PTGFRN: variants seen among roughly 807,000 people sequenced by gnomAD.
PTGFRN encodes prostaglandin F2 receptor negative regulator.
A neutral mutation model predicts 83.2 loss-of-function variants in PTGFRN; 35 were observed. The observed-to-expected ratio is 0.42, with a 90% CI of 0.32 to 0.56. PTGFRN has a LOEUF of 0.56. PTGFRN is among the 20% of genes least tolerant of loss of function. PTGFRN has a pLI of 0.11. For synonymous variants in PTGFRN, 519 were observed against 498.6 expected (o/e 1.04, Z -0.55); for missense variants, 1,051 against 1,179.5 (o/e 0.89, Z 1.60).
In PTGFRN at chr1:116,967,345, C is replaced by G. The variant is rs774375727; in HGVS notation, c.2059+15C>G. ...CCAAACCTCAGGTGAGCAGTGAGCC[C>G]TGTTGAATCATAGGTGGAGCTAGAA... On this transcript the variant is annotated intron_variant, in intron 6 of 8. Transcript: ENST00000393203. 1.3e-6 allele frequency: 2 copies of G among 1,599,026 alleles called. No homozygotes were observed. Among genetic ancestry groups the G allele is most frequent in the Non-Finnish European group, 8.5e-7 (1 of 1,169,762 alleles).
At chr1:116,960,620 G>C (rs1650623617) in intron 4 of PTGFRN, among the ~76,000 whole-genome samples, 1 of 152,146 alleles carries the variant, frequency 6.6e-6, no homozygotes, top group African/African-American at 2.4e-5. Context: ...GAGAGTTTGA[G>C]GATGGGAGTG....
At chr1:116,913,268 G>A (rs539428457) in intron 1 of PTGFRN, among the ~76,000 whole-genome samples, 1 of 152,334 alleles carries the variant, frequency 6.6e-6, no homozygotes, top group Admixed American at 6.5e-5. Context: ...TTTGAGTTGA[G>A]CCTTGAGGAT....
chr1:116,951,512 A>G (rs1650345766), intron 4 of PTGFRN, among the ~76,000 whole-genome samples: 1 of 152,264 alleles, frequency 6.6e-6, no homozygotes. Flanking sequence ...TAAATAAACC[A>G]GTACCCACAC....
intron 7 of PTGFRN, among the ~76,000 whole-genome samples, chr1:116,982,770 A>C (rs1157418409): frequency 2.0e-5 from 3 of 152,176 alleles, no homozygotes; most frequent in Non-Finnish European, 4.4e-5. Context: ...CTGTCCCTTC[A>C]CTAGTCAGTC....
In PTGFRN at chr1:116,982,703, C is replaced by G. The variant is rs116854098; in HGVS notation, c.2168-1977C>G. Reference sequence around the variant, plus strand: ...CAAGTCCACCTCCCCACGGGGAGTTCTGGAGCATGAGTGTACTGCAGAGTA... The same window carrying G: ...CAAGTCCACCTCCCCACGGGGAGTTGTGGAGCATGAGTGTACTGCAGAGTA... On this transcript the variant is annotated intron_variant, in intron 7 of 8. Coordinates refer to ENST00000393203, the MANE Select transcript of PTGFRN (RefSeq NM_020440.4). Among the ~76,000 whole-genome samples, 83 of 152,300 alleles carry G rather than the reference C, an allele frequency of 5.4e-4. 2 individuals carry two copies. The East Asian group carries it at 0.015, about 28-fold the overall frequency.
chr1:116,949,677 A>C, intron 4 of PTGFRN, 105 bp downstream of exon 4: 1 of 1,432,500 alleles, frequency 7.0e-7, no homozygotes, highest in African/African-American at 1.4e-5. Flanking sequence ...TGACTTCGAC[A>C]TTATTTCTAT....
Position 116,949,150 on chromosome 1 carries a change from CAT to C in PTGFRN, c.833-40_833-39del, listed in dbSNP as rs1650269332. The C allele has an allele frequency of 2.0e-6, 3 of 1,529,390 alleles. No individual in the cohort carries two copies. In the South Asian group the frequency reaches 3.9e-5, roughly 20 times the overall value. The allele number at this position is 1,529,390 out of a possible 1,614,324, so 94.7% of individuals were successfully genotyped here. A position where few individuals can be genotyped will look rare whatever the true frequency, so the allele number is the denominator to read the frequency against. Reference sequence around the variant, plus strand: ...GAGGGTGGAGAATAGAAGGGGCAAACATAATCAGATTACCTAGATGTATTTGT... The same window carrying C: ...GAGGGTGGAGAATAGAAGGGGCAAACAATCAGATTACCTAGATGTATTTGT... On this transcript the variant is annotated intron_variant, in intron 3 of 8. Transcript: ENST00000393203.
chr1:116,910,913 G>A (rs987028325), intron 1 of PTGFRN, among the ~76,000 whole-genome samples: 1 of 152,138 alleles, frequency 6.6e-6, no homozygotes, highest in African/African-American at 2.4e-5. Flanking sequence ...AGACCTAAAA[G>A]CCTGGCTTCT....
At chr1:116,966,164 A>G (rs912399300) in intron 5 of PTGFRN, among the ~76,000 whole-genome samples, 2 of 152,256 alleles carry the variant, frequency 1.3e-5, no homozygotes, top group African/African-American at 2.4e-5. Context: ...TTGTGCTACT[A>G]TAATAGATGA....
At chr1:116,942,364 G>C (rs962273037) in intron 2 of PTGFRN, among the ~76,000 whole-genome samples, 46 of 152,270 alleles carry the variant, frequency 3.0e-4, no homozygotes, top group African/African-American at 1.1e-3. Flanking sequence ...AGCATGATGC[G>C]GTGGTGGAGA....
intron 1 of PTGFRN, among the ~76,000 whole-genome samples, chr1:116,919,341 A>G (rs1184465310): frequency 6.6e-6 from 1 of 152,210 alleles, no homozygotes; most frequent in Non-Finnish European, 1.5e-5. Flanking sequence ...TTCCTTCCCA[A>G]TAAATTCCTG....
In PTGFRN at chr1:116,952,615, T is replaced by G. The variant is rs1650379632; in HGVS notation, c.1213+3043T>G. 6.6e-6 allele frequency among the ~76,000 whole-genome samples: 1 copy of G among 152,186 alleles called. No individual in the cohort carries two copies. The highest frequency in any genetic ancestry group is 2.1e-4 in the South Asian group (1 of 4,824). ...TATATTTGAGCACTGAATTTGCCTC[T>G]GAAGTTCTGAAGAGTTGAGACAAAA... On this transcript the variant is annotated intron_variant, in intron 4 of 8. Transcript: ENST00000393203. This position sits in a 1 kb window ranked among gnomAD's most constrained non-coding sequence, Gnocchi z 4.0.
intron 4 of PTGFRN, among the ~76,000 whole-genome samples, chr1:116,953,757 C>T (rs1257559709): frequency 1.3e-5 from 2 of 151,998 alleles, no homozygotes; most frequent in Non-Finnish European, 2.9e-5. Context: ...GCTGACCACA[C>T]CCAGCCCTTT....
chr1:116,918,653 G>A lies in PTGFRN; in HGVS notation c.49+8401G>A, dbSNP rs73012722. On this transcript the variant is annotated intron_variant, in intron 1 of 8. Transcript: ENST00000393203. The surrounding 1 kb of genome is among the most constrained non-coding windows in gnomAD (Gnocchi z 4.1). ...GCCATGGTCAGAGTCTGAGCTGGAGGAGAGTGGGCTGGGGCTGGACCCCAC... is the reference window on the plus strand; with the variant it reads ...GCCATGGTCAGAGTCTGAGCTGGAGAAGAGTGGGCTGGGGCTGGACCCCAC... 0.017 allele frequency among the ~76,000 whole-genome samples: 2,574 copies of A among 152,330 alleles called. 79 individuals are homozygous for A. The highest frequency in any genetic ancestry group is 0.059 in the African/African-American group (2,449 of 41,554).
At chr1:116,924,143 A>ATTTTTTT (rs147663868) in intron 1 of PTGFRN, among the ~76,000 whole-genome samples, 5 of 116,130 alleles carry the variant, frequency 4.3e-5, no homozygotes, top group African/African-American at 7.4e-5. Context: ...CTGTGCATGT[A>ATTTTTTT]TTTTTTTTTT....
chr1:116,982,556 C>T (rs1445213876), intron 7 of PTGFRN, among the ~76,000 whole-genome samples: 1 of 152,006 alleles, frequency 6.6e-6, no homozygotes, highest in African/African-American at 2.4e-5. Flanking sequence ...AGGTTCTCCG[C>T]AAGCAAAGAC....
At position 116,944,722 on chromosome 1, in the gene PTGFRN, G is replaced by A. The variant is rs80123219; in HGVS notation, c.462G>A (p.Pro154=). ...SLHVGPSARP[P]PSLSLREGEP... Reference sequence around the variant, plus strand: ...ACGTGGGCCCCAGCGCGCGGCCCCCGCCGAGCCTGAGCCTGCGGGAGGGGG... The same window carrying A: ...ACGTGGGCCCCAGCGCGCGGCCCCCACCGAGCCTGAGCCTGCGGGAGGGGG... Residue 154 remains proline, a synonymous_variant, in exon 3 of 9, where the codon CCG becomes CCA. Coordinates refer to ENST00000393203, the MANE Select transcript of PTGFRN (RefSeq NM_020440.4). 3,843 of 1,458,832 alleles carry A rather than the reference G, an allele frequency of 2.6e-3. 96 individuals carry two copies. In the African/African-American group the frequency reaches 0.049, roughly 19 times the overall value. 90.4% of individuals were successfully genotyped at this position (1,458,832 alleles called of 1,614,324 possible).
chr1:116,970,345 A>G (rs1650959421), intron 6 of PTGFRN, among the ~76,000 whole-genome samples: 1 of 151,894 alleles, frequency 6.6e-6, no homozygotes, highest in African/African-American at 2.4e-5. Flanking sequence ...TTTGTCATGG[A>G]AAGGTGTTGA....
At chr1:116,943,877 C>T (rs1226128703) in intron 2 of PTGFRN, among the ~76,000 whole-genome samples, 1 of 152,124 alleles carries the variant, frequency 6.6e-6, no homozygotes, top group East Asian at 1.9e-4. Flanking sequence ...TTGGAGGGTC[C>T]TCTTAGCCAG....
Sources: gnomAD v4.1 joint callset for allele counts (sites outside exome capture counted in the v4.1 genomes callset) on GRCh38, gnomAD v4.1.1 for gene constraint, Gnocchi (gnomAD v3.1) non-coding constraint, MANE v1.5 for transcripts, NCBI Gene and HGNC (gene_info 2026-07-23, HGNC 2026-07-21) for gene names.